Variants in KCNAB2 observed in about 807,000 individuals in gnomAD.
The protein encoded by KCNAB2 is potassium voltage-gated channel subfamily A regulatory beta subunit 2.
Under a neutral mutation model 63.6 loss-of-function variants are expected in KCNAB2, and 29 were observed. The ratio of observed to expected loss-of-function variants is 0.46; its 90% CI spans 0.34 to 0.62. KCNAB2 has a LOEUF of 0.62. Ranked by LOEUF, KCNAB2 falls within the 20% of genes least tolerant of loss-of-function variation. KCNAB2 has a pLI of 0.01. For synonymous variants in KCNAB2, 222 were observed against 224.2 expected (o/e 0.99, Z 0.09); for missense variants, 359 against 563.9 (o/e 0.64, Z 3.68).
At position 6,035,496 on chromosome 1, in the gene KCNAB2, C is replaced by G. The variant is rs1316172764; in HGVS notation, c.-53+702C>G. ...AGAGGAGACAGGGAGAGGCACGGGG[C>G]CCCTGGCCCAGGGATGGATTGGATG... is the stretch of plus-strand genomic sequence containing the variant. On this transcript the variant is annotated intron_variant, in intron 1 of 15. Coordinates refer to the KCNAB2 transcript ENST00000164247. This position sits in a 1 kb window ranked among gnomAD's most constrained non-coding sequence, Gnocchi z 5.0. Among the ~76,000 whole-genome samples the G allele has an allele frequency of 1.3e-5, 2 of 151,948 alleles. No homozygotes were observed. The highest frequency in any genetic ancestry group is 4.8e-5 in the African/African-American group (2 of 41,362).
At chr1:6,068,918 C>T (rs1305076335) in intron 2 of KCNAB2, among the ~76,000 whole-genome samples, 1 of 152,178 alleles carries the variant, frequency 6.6e-6, no homozygotes, top group Non-Finnish European at 1.5e-5. Context: ...CATTCTTGCC[C>T]AAGGGCCTAA....
chr1:6,000,926 G>A (rs1238676323), intron 1 of KCNAB2, among the ~76,000 whole-genome samples: 1 of 152,134 alleles, frequency 6.6e-6, no homozygotes, highest in Admixed American at 6.5e-5. Context: ...GCACCAAGGC[G>A]TCACTCAGGC....
chr1:6,030,100 AGTATGAC>A (rs1301960438), upstream of KCNAB2, among the ~76,000 whole-genome samples: 1 of 152,246 alleles, frequency 6.6e-6, no homozygotes, highest in Non-Finnish European at 1.5e-5. Flanking sequence ...AATGTTTATA[AGTATGAC>A]CCTGGAGATT....
In KCNAB2 at chr1:6,069,485, A is replaced by C. The variant is rs568251589; in HGVS notation, c.219-3270A>C. On this transcript the variant is annotated intron_variant, in intron 2 of 15. Transcript: ENST00000378083. The surrounding 1 kb of genome is among the most constrained non-coding windows in gnomAD (Gnocchi z 5.4). ...GGTTATGTCTGTGAGTCCTCACTCCAGGAGTCCAGACCCCAGGAGAGACAT... is the reference window on the plus strand; with the variant it reads ...GGTTATGTCTGTGAGTCCTCACTCCCGGAGTCCAGACCCCAGGAGAGACAT... 1.2e-4 allele frequency among the ~76,000 whole-genome samples: 19 copies of C among 152,300 alleles called. 2 individuals are homozygous for C. In the South Asian group the frequency reaches 3.7e-3, roughly 30 times the overall value.
At chr1:6,012,060 G>T (rs935111182) in intron 1 of KCNAB2, among the ~76,000 whole-genome samples, 3 of 151,036 alleles carry the variant, frequency 2.0e-5, no homozygotes, top group Non-Finnish European at 4.4e-5. Flanking sequence ...GGGTGGAGGT[G>T]ATGAAGGTGG....
At chr1:6,091,596 A>G (rs929771954) in intron 10 of KCNAB2, among the ~76,000 whole-genome samples, 13 of 150,642 alleles carry the variant, frequency 8.6e-5, no homozygotes, top group African/African-American at 2.9e-4. Context: ...GGTCCTCTTG[A>G]TCTGAGGATG....
intron 1 of KCNAB2, among the ~76,000 whole-genome samples, chr1:6,005,634 C>T (rs895079635): frequency 1.3e-5 from 2 of 151,954 alleles, no homozygotes; most frequent in Admixed American, 6.5e-5. Flanking sequence ...AGGCAGCACA[C>T]CCTCCTGGCT....
chr1:6,048,995 G>A (rs1661171977), intron 1 of KCNAB2, among the ~76,000 whole-genome samples: 1 of 152,212 alleles, frequency 6.6e-6, no homozygotes, highest in Non-Finnish European at 1.5e-5. Context: ...GGCTTTCCAT[G>A]CCAGGGTACC....
At chr1:6,070,810 G>T (rs931172641) in intron 2 of KCNAB2, among the ~76,000 whole-genome samples, 25 of 152,120 alleles carry the variant, frequency 1.6e-4, no homozygotes, top group African/African-American at 6.0e-4. Context: ...CTCCAGCCAG[G>T]AAAGTTGTAC....
chr1:6,071,554 C>T lies in KCNAB2; in HGVS notation c.219-1201C>T, dbSNP rs1331513528. Reference sequence around the variant, plus strand: ...GGGAACGTGAGCTGGCAGCCAACTGCCTGGGTGGGATCCAGCTCCTCCGCG... The same window carrying T: ...GGGAACGTGAGCTGGCAGCCAACTGTCTGGGTGGGATCCAGCTCCTCCGCG... On this transcript the variant is annotated intron_variant, in intron 2 of 15. Coordinates refer to ENST00000378083, the MANE Select transcript of KCNAB2 (RefSeq NM_001199862.2). This position sits in a 1 kb window ranked among gnomAD's most constrained non-coding sequence, Gnocchi z 8.5. Among the ~76,000 whole-genome samples, 1 of 152,172 alleles carries T rather than the reference C, an allele frequency of 6.6e-6. No individual in the cohort carries two copies. The highest frequency in any genetic ancestry group is 1.9e-4 in the East Asian group (1 of 5,186).
At chr1:5,997,236 T>C (rs1656990691) in intron 1 of KCNAB2, among the ~76,000 whole-genome samples, 1 of 152,182 alleles carries the variant, frequency 6.6e-6, no homozygotes, top group Non-Finnish European at 1.5e-5. Flanking sequence ...CAGAGGAACC[T>C]GGCTTTCCTT....
At chr1:6,084,626 G>GT (rs1664511044) in intron 5 of KCNAB2, among the ~76,000 whole-genome samples, 1 of 152,142 alleles carries the variant, frequency 6.6e-6, no homozygotes, top group South Asian at 2.1e-4. Context: ...GACCAGCCTG[G>GT]CCAACATAGT....
At chr1:5,998,465 G>A (rs1657057393) in intron 1 of KCNAB2, among the ~76,000 whole-genome samples, 1 of 152,178 alleles carries the variant, frequency 6.6e-6, no homozygotes, top group South Asian at 2.1e-4. Flanking sequence ...GGGGTTCACA[G>A]GAGAGGTGGG....
rs535399730 is a variant in KCNAB2 at position 6,019,476 on chromosome 1, C to G, written c.-52-21041C>G. ...GCAGTGTTGCTCAGGTTCTGGGTGC[C>G]TCTGTCATTTAGGAAGGAATCAGCA... On this transcript the variant is annotated intron_variant, in intron 1 of 16. Coordinates refer to the KCNAB2 transcript ENST00000341524. Among the ~76,000 whole-genome samples, 9 of 152,276 alleles carry G rather than the reference C, an allele frequency of 5.9e-5. No individual in the cohort carries two copies. In the East Asian group the frequency reaches 1.5e-3, roughly 26 times the overall value.
intron 2 of KCNAB2, among the ~76,000 whole-genome samples, chr1:6,054,042 TAAAA>T (rs566086045): frequency 2.2e-5 from 3 of 137,612 alleles, no homozygotes; most frequent in Non-Finnish European, 3.1e-5. Flanking sequence ...GACCCTGTCT[TAAAA>T]AAAAAAAAAA....
intron 1 of KCNAB2, among the ~76,000 whole-genome samples, chr1:6,002,292 C>T (rs945637778): frequency 3.3e-5 from 5 of 152,262 alleles, no homozygotes; most frequent in South Asian, 2.1e-4. Flanking sequence ...GGGTCTTCCC[C>T]GCCAGATACA....
chr1:6,046,633 T>C (rs1660949890), intron 1 of KCNAB2, among the ~76,000 whole-genome samples: 2 of 152,244 alleles, frequency 1.3e-5, no homozygotes. Flanking sequence ...GGGCTGCTTG[T>C]TTGGGCCTCA....
chr1:6,071,032 C>T lies in KCNAB2; in HGVS notation c.219-1723C>T, dbSNP rs1019626558. Among the ~76,000 whole-genome samples the T allele has an allele frequency of 1.2e-4, 18 of 152,202 alleles. No homozygotes were observed. The highest frequency in any genetic ancestry group is 6.5e-5 in the Admixed American group (1 of 15,284). On this transcript the variant is annotated intron_variant, in intron 2 of 15. Transcript: ENST00000378083. This position sits in a 1 kb window ranked among gnomAD's most constrained non-coding sequence, Gnocchi z 8.5. Reference sequence around the variant, plus strand: ...TTAAAGTACCTTCAGTTTGGTGACACGTTCAACTGTTTTCAAGCTGCTTAC... The same window carrying T: ...TTAAAGTACCTTCAGTTTGGTGACATGTTCAACTGTTTTCAAGCTGCTTAC...
intron 1 of KCNAB2, among the ~76,000 whole-genome samples, chr1:6,020,572 C>T (rs1395339954): frequency 6.6e-6 from 1 of 152,186 alleles, no homozygotes; most frequent in Non-Finnish European, 1.5e-5. Context: ...CACAGGCCAC[C>T]CCAGCTGGAA....
Sources: gnomAD v4.1 joint callset for allele counts (sites outside exome capture counted in the v4.1 genomes callset) on GRCh38, gnomAD v4.1.1 for gene constraint, Gnocchi (gnomAD v3.1) non-coding constraint, MANE v1.5 for transcripts, NCBI Gene and HGNC (gene_info 2026-07-23, HGNC 2026-07-21) for gene names.